FAT1: variants seen among roughly 807,000 people sequenced by gnomAD.
The protein encoded by FAT1 is FAT atypical cadherin 1.
In FAT1, 171 loss-of-function variants were observed where a neutral mutation model predicts 329.8. The ratio of observed to expected loss-of-function variants is 0.52; its 90% confidence interval spans 0.46 to 0.59. The LOEUF (loss-of-function observed/expected upper bound fraction) is 0.59, where lower values mean the gene tolerates loss of function less well. FAT1 is among the 20% of genes least tolerant of loss of function. The pLI is 0.00. For missense variants in FAT1, 5,672 were observed against 5,774.4 expected (o/e 0.98, Z 0.57); for synonymous variants, 2,233 against 2,228.6 (o/e 1.00, Z -0.06).
At chr4:186,686,241 C>CCCG (rs899221246) in intron 2 of FAT1, among the ~76,000 whole-genome samples, 3 of 146,214 alleles carry the variant, frequency 2.1e-5, no homozygotes, top group Admixed American at 6.9e-5. Flanking sequence ...AATTTTCACC[C>CCCG]CCCCCCGACA....
intron 3 of FAT1, among the ~76,000 whole-genome samples, chr4:186,659,451 T>C (rs1742063944): frequency 6.6e-6 from 1 of 152,238 alleles, no homozygotes; most frequent in South Asian, 2.1e-4. Context: ...CACTTTATTC[T>C]AGCAAATGTG....
intron 2 of FAT1, among the ~76,000 whole-genome samples, chr4:186,690,703 C>T (rs1351187357): frequency 3.3e-5 from 5 of 151,770 alleles, no homozygotes; most frequent in Non-Finnish European, 5.9e-5. Flanking sequence ...AAAAAAAAAT[C>T]TAGTAGCCCA....
intron 2 of FAT1, among the ~76,000 whole-genome samples, chr4:186,700,428 C>G (rs1235348794): frequency 6.6e-6 from 1 of 152,314 alleles, no homozygotes; most frequent in East Asian, 1.9e-4. Flanking sequence ...TCTTGACTTG[C>G]TGACTGCCAC....
At chr4:186,681,820 C>A (rs1268714204) in intron 2 of FAT1, among the ~76,000 whole-genome samples, 1 of 152,136 alleles carries the variant, frequency 6.6e-6, no homozygotes, top group Non-Finnish European at 1.5e-5. Flanking sequence ...CATGAAAGGA[C>A]AATAAAAACC....
chr4:186,651,052 A>AATAATTTATCTATTATTAC (rs1217692330), intron 3 of FAT1, among the ~76,000 whole-genome samples: 5 of 149,400 alleles, frequency 3.3e-5, no homozygotes, highest in Non-Finnish European at 7.4e-5. Flanking sequence ...ACTATTATTA[A>AATAATTTATCTATTATTAC]ATAATTTATT....
chr4:186,664,815 T>C (rs1742353500), intron 2 of FAT1, among the ~76,000 whole-genome samples: 1 of 152,192 alleles, frequency 6.6e-6, no homozygotes, highest in African/African-American at 2.4e-5. Flanking sequence ...GGCTGGACTC[T>C]GGAAATGCTG....
rs200793394 is a variant in FAT1 at position 186,618,717 on chromosome 4, G to A, written c.7869C>T (p.Ala2623=). ...TSVVKVLASD[A]DEGSNADITY... ...TGATGTCGGCATTGGAGCCCTCATC[G>A]GCATCACTTGCAAGAACTTTAACGA... The change falls in exon 10 of 27, where the codon GCC becomes GCT. Residue 2623 remains alanine, a synonymous_variant. Coordinates refer to ENST00000441802, the MANE Select transcript of FAT1 (RefSeq NM_005245.4). The A allele has an allele frequency of 1.9e-4, 305 of 1,613,976 alleles. No homozygotes were observed. Among genetic ancestry groups the A allele is most frequent in the Non-Finnish European group, 2.3e-4 (271 of 1,179,886 alleles).
intron 3 of FAT1, among the ~76,000 whole-genome samples, chr4:186,657,327 C>T (rs933255770): frequency 5.9e-5 from 9 of 152,166 alleles, no homozygotes; most frequent in Admixed American, 2.6e-4. Context: ...TCTTGATACA[C>T]GCCAAAACAT....
intron 2 of FAT1, among the ~76,000 whole-genome samples, chr4:186,680,535 A>T (rs560125272): frequency 9.2e-5 from 14 of 152,198 alleles, no homozygotes; most frequent in Non-Finnish European, 1.8e-4. Flanking sequence ...TTACAAAGGC[A>T]CATGTGGTGG....
At chr4:186,614,368 G>A (rs781231734) in intron 11 of FAT1, 24 bp from the exon 12 acceptor site, 59 of 1,481,154 alleles carry the variant, frequency 4.0e-5, no homozygotes, top group Non-Finnish European at 1.5e-5. Context: ...AAACAAAAAC[G>A]TTACATAAAA....
chr4:186,597,910 C>A (rs2126400914), intron 23 of FAT1, 62 bp downstream of exon 23: 1 of 1,570,244 alleles, frequency 6.4e-7, no homozygotes, highest in Non-Finnish European at 8.7e-7. Flanking sequence ...TTACATGTAC[C>A]ATTATATGTT....
chr4:186,628,464 G>C, intron 8 of FAT1, 24 bp downstream of exon 8: 1 of 1,613,310 alleles, frequency 6.2e-7, no homozygotes, highest in African/African-American at 1.3e-5. Context: ...CAAATGGTGG[G>C]AGGAGAGCGG....
chr4:186,615,259 A>G (rs1739658781), intron 11 of FAT1, among the ~76,000 whole-genome samples: 1 of 152,168 alleles, frequency 6.6e-6, no homozygotes, highest in Non-Finnish European at 1.5e-5. Flanking sequence ...AATATAAAGT[A>G]CAAATAAGAA....
intron 14 of FAT1, 64 bp from the exon 15 acceptor site, chr4:186,610,079 G>C: frequency 2.1e-6 from 2 of 935,728 alleles, no homozygotes; most frequent in Non-Finnish European, 3.4e-6. Context: ...CACTATGACT[G>C]AAATAGATGA....
chr4:186,710,552 T>C (rs1744902386), intron 1 of FAT1, among the ~76,000 whole-genome samples: 1 of 152,094 alleles, frequency 6.6e-6, no homozygotes, highest in African/African-American at 2.4e-5. Flanking sequence ...AGAAAGGCAA[T>C]TTACAAAAGA....
chr4:186,703,839 C>T (rs1321653817), intron 2 of FAT1, among the ~76,000 whole-genome samples: 1 of 152,234 alleles, frequency 6.6e-6, no homozygotes, highest in African/African-American at 2.4e-5. Flanking sequence ...ACACTTCCTT[C>T]ATGCCCTAGA....
chr4:186,608,620 C>A (rs1242794329), intron 16 of FAT1, among the ~76,000 whole-genome samples: 1 of 152,160 alleles, frequency 6.6e-6, no homozygotes, highest in African/African-American at 2.4e-5. Context: ...TAGAGGGGAG[C>A]AACTGACCTT....
Position 186,618,964 on chromosome 4 carries a change from T to A in FAT1, c.7622A>T (p.Tyr2541Phe). 6.2e-7 allele frequency: 1 copy of A among 1,614,006 alleles called. No homozygotes were observed. The change falls in exon 10 of 27, where the codon TAC becomes TTC. Residue 2541 changes from tyrosine to phenylalanine, a missense_variant. Transcript: ENST00000441802. ...AAATATCTGTCCTCTCTCATTTATG[T>A]AAAATCTGTCTTTGGCAAAGTCATT... Reference protein sequence around the residue: ...IVNDFAKDRFYINERGQIFTL... With the variant: ...IVNDFAKDRFFINERGQIFTL...
chr4:186,637,096 A>G (rs1740867425), intron 4 of FAT1, among the ~76,000 whole-genome samples, 182 bp from the exon 5 acceptor site: 1 of 152,150 alleles, frequency 6.6e-6, no homozygotes, highest in African/African-American at 2.4e-5. Flanking sequence ...AGCACCTCCC[A>G]TCTCTACAGG....
Sources: allele counts gnomAD v4.1 joint callset (sites outside exome capture counted in the v4.1 genomes callset), GRCh38; gene constraint gnomAD v4.1.1; transcripts MANE v1.5; gene names NCBI Gene and HGNC (gene_info 2026-07-23, HGNC 2026-07-21).